The following ZBTB7C variants were observed in gnomAD, a reference collection of about 807,000 sequenced individuals.
ZBTB7C encodes zinc finger and BTB domain containing 7C.
A neutral mutation model predicts 25.7 loss-of-function variants in ZBTB7C; 8 were observed. The observed-to-expected ratio is 0.31, with a 90% CI of 0.18 to 0.56. The LOEUF is 0.56. Ranked by LOEUF, ZBTB7C falls within the 20% of genes least tolerant of loss-of-function variation. The probability of loss-of-function intolerance (pLI) is 0.91; values close to 1 mark genes in which losing one functional copy is unlikely to be tolerated. For missense variants in ZBTB7C, 824 were observed against 855.2 expected, an observed-to-expected ratio of 0.96 and a Z score of 0.46; for synonymous variants, 394 against 369.0, an observed-to-expected ratio of 1.07 and a Z score of -0.78.
At chr18:48,302,433 A>G (rs1860119501) in intron 2 of ZBTB7C, among the ~76,000 whole-genome samples, 1 of 147,006 alleles carries the variant, frequency 6.8e-6, no homozygotes, top group African/African-American at 2.5e-5. Context: ...CTCTCTCTAT[A>G]TATAATTTTT....
At chr18:48,036,068 T>C (rs2035956366) in intron 4 of ZBTB7C, among the ~76,000 whole-genome samples, 1 of 152,192 alleles carries the variant, frequency 6.6e-6, no homozygotes, top group South Asian at 2.1e-4. Flanking sequence ...AGGGACAGCA[T>C]GGGGCCAAAG....
chr18:48,129,180 T>C (rs1326354861), intron 3 of ZBTB7C, among the ~76,000 whole-genome samples: 1 of 152,150 alleles, frequency 6.6e-6, no homozygotes, highest in African/African-American at 2.4e-5. Context: ...AAACGTGTGC[T>C]GCAAACGCCC....
intron 3 of ZBTB7C, among the ~76,000 whole-genome samples, chr18:48,096,274 G>T (rs536556246): frequency 6.6e-6 from 1 of 152,152 alleles, no homozygotes; most frequent in African/African-American, 2.4e-5. Flanking sequence ...GGAAGAAAAC[G>T]GAATCACAGG....
chr18:48,338,538 C>G (rs1051815234), intron 1 of ZBTB7C, 140 bp from the exon 2 acceptor site: 2 of 152,302 alleles, frequency 1.3e-5, no homozygotes, highest in East Asian at 3.8e-4. Context: ...TATACCAACT[C>G]GATCTCATCC....
chr18:48,040,713 TC>T lies in ZBTB7C; in HGVS notation c.394del (p.Asp132ThrfsTer90), dbSNP rs777259425. On this transcript the variant is annotated frameshift_variant, in exon 4 of 5. Transcript: ENST00000590800. LOFTEE classifies it high-confidence loss of function. The part of the protein sequence containing the change: ...VCLEIMEPGG[D>X]GGEEDDKEDD... ...CTCCTTGTCATCCTCCTCCCCCCCGTCCCCCCCAGGCTCCATGATCTCCAGG... is the reference window on the plus strand; with the variant it reads ...CTCCTTGTCATCCTCCTCCCCCCCGTCCCCCCAGGCTCCATGATCTCCAGG... The T allele has an allele frequency of 6.2e-7, 1 of 1,608,460 alleles. No individual in the cohort carries two copies. The highest frequency in any genetic ancestry group is 8.5e-7 in the Non-Finnish European group (1 of 1,175,858).
chr18:48,034,350 C>T (rs911503915), intron 4 of ZBTB7C, among the ~76,000 whole-genome samples: 2 of 152,108 alleles, frequency 1.3e-5, no homozygotes, highest in Non-Finnish European at 2.9e-5. Context: ...ACTGCCGGTC[C>T]CCCAGTGCAC....
intron 2 of ZBTB7C, among the ~76,000 whole-genome samples, chr18:48,223,586 G>A (rs1021190796): frequency 2.0e-5 from 3 of 152,184 alleles, no homozygotes; most frequent in African/African-American, 7.2e-5. Context: ...CACATTGGCG[G>A]GGAGTGTGTG....
At chr18:48,398,624 C>A (rs897929508) in intron 1 of ZBTB7C, among the ~76,000 whole-genome samples, 1 of 152,134 alleles carries the variant, frequency 6.6e-6, no homozygotes, top group Admixed American at 6.5e-5. Flanking sequence ...CATGAAGCTG[C>A]ATCTGTTCTC....
chr18:48,394,539 C>T (rs749420667), intron 1 of ZBTB7C, among the ~76,000 whole-genome samples: 1 of 152,140 alleles, frequency 6.6e-6, no homozygotes, highest in African/African-American at 2.4e-5. Flanking sequence ...TAGTACATTG[C>T]ACCATGTGTA....
chr18:48,249,955 G>A (rs1465868225), intron 2 of ZBTB7C, among the ~76,000 whole-genome samples: 1 of 152,172 alleles, frequency 6.6e-6, no homozygotes, highest in South Asian at 2.1e-4. Flanking sequence ...GTCCATGGCC[G>A]GCAGAGCTAA....
chr18:48,248,612 T>C (rs2043762452), intron 2 of ZBTB7C, among the ~76,000 whole-genome samples: 1 of 152,186 alleles, frequency 6.6e-6, no homozygotes, highest in Non-Finnish European at 1.5e-5. Flanking sequence ...TGTTTTTGCT[T>C]ATTGTCTCTC....
At chr18:48,223,073 C>T (rs1224267891) in intron 2 of ZBTB7C, among the ~76,000 whole-genome samples, 4 of 152,190 alleles carry the variant, frequency 2.6e-5, no homozygotes, top group South Asian at 2.1e-4. Flanking sequence ...ATTAACAGCA[C>T]GATTTCAGCC....
At chr18:48,200,940 T>C (rs1000486164) in intron 2 of ZBTB7C, among the ~76,000 whole-genome samples, 1 of 152,130 alleles carries the variant, frequency 6.6e-6, no homozygotes, top group East Asian at 1.9e-4. Flanking sequence ...CGCCTGACCC[T>C]GGTCAGGATG....
At chr18:48,122,337 G>A (rs1404151551) in intron 3 of ZBTB7C, among the ~76,000 whole-genome samples, 1 of 152,130 alleles carries the variant, frequency 6.6e-6, no homozygotes, top group African/African-American at 2.4e-5. Context: ...CCTACCTTTG[G>A]CTGATTGTTG....
chr18:48,171,784 G>C (rs2041489569), intron 3 of ZBTB7C, among the ~76,000 whole-genome samples: 1 of 152,240 alleles, frequency 6.6e-6, no homozygotes, highest in Non-Finnish European at 1.5e-5. Context: ...ACTTTATGTG[G>C]GGCAACAGCC....
chr18:48,252,475 T>C (rs1350709619), intron 2 of ZBTB7C: 1 of 152,292 alleles, frequency 6.6e-6, no homozygotes, highest in Non-Finnish European at 1.5e-5. Flanking sequence ...AGTTTCCTCG[T>C]TCTTAAATAA....
At chr18:48,098,203 G>C (rs1462162998) in intron 3 of ZBTB7C, among the ~76,000 whole-genome samples, 1 of 152,196 alleles carries the variant, frequency 6.6e-6, no homozygotes, top group Admixed American at 6.5e-5. Context: ...CTTGAACAAT[G>C]AGTGGATTTC....
chr18:48,363,997 A>T (rs979772865), intron 1 of ZBTB7C, among the ~76,000 whole-genome samples: 4 of 151,940 alleles, frequency 2.6e-5, no homozygotes, highest in Admixed American at 6.6e-5. Flanking sequence ...AACCAGACCC[A>T]CCCAGGAGAA....
At chr18:48,204,421 G>A (rs1321319391) in intron 2 of ZBTB7C, among the ~76,000 whole-genome samples, 2 of 152,158 alleles carry the variant, frequency 1.3e-5, no homozygotes, top group Non-Finnish European at 2.9e-5. Context: ...AGAGCCAGGT[G>A]GAACTGGAGA....
Sources: gnomAD v4.1 joint callset for allele counts (sites outside exome capture counted in the v4.1 genomes callset) on GRCh38, gnomAD v4.1.1 for gene constraint, MANE v1.5 for transcripts, NCBI Gene and HGNC (gene_info 2026-07-23, HGNC 2026-07-21) for gene names.